Variants in OS9 observed in about 807,000 individuals in gnomAD.
OS9 encodes the protein OS9 endoplasmic reticulum lectin, also known as protein OS-9.
OS9 carries 58 observed loss-of-function variants against 84.7 expected under a neutral mutation model. That is an observed-to-expected ratio of 0.68 (90% CI 0.55 to 0.85). The LOEUF is 0.85. Ranked by LOEUF, OS9 falls within the 40% of genes least tolerant of loss-of-function variation. OS9 has a pLI of 0.00. For missense variants in OS9, 760 were observed against 850.9 expected (o/e 0.89, Z 1.33); for synonymous variants, 278 against 320.8 (o/e 0.87, Z 1.43).
Position 57,698,298 on chromosome 12 carries a change from G to A in OS9, c.579+1925G>A, listed in dbSNP as rs913340696. 1.5e-4 allele frequency among the ~76,000 whole-genome samples: 14 copies of A among 94,432 alleles called. No homozygotes were observed. The East Asian group carries it at 2.0e-3, about 14-fold the overall frequency. 62.0% of individuals were successfully genotyped at this position (94,432 alleles called of 152,430 possible). Reference sequence around the variant, plus strand: ...AAGCATCCACACACGTATATAATCCGTTATAGCACTTCATTGTATTCTAGT... The same window carrying A: ...AAGCATCCACACACGTATATAATCCATTATAGCACTTCATTGTATTCTAGT... On this transcript the variant is annotated intron_variant, in intron 5 of 14. Transcript: ENST00000315970.
intron 5 of OS9, among the ~76,000 whole-genome samples, chr12:57,706,391 T>C (rs1458511206): frequency 6.6e-6 from 1 of 152,184 alleles, no homozygotes; most frequent in East Asian, 1.9e-4. Flanking sequence ...CCTGATAGTA[T>C]AATTAACTTT....
intron 5 of OS9, among the ~76,000 whole-genome samples, chr12:57,698,297 C>T (rs573460641): frequency 9.1e-5 from 9 of 99,424 alleles, no homozygotes; most frequent in Non-Finnish European, 1.7e-4. Flanking sequence ...GTATATAATC[C>T]GTTATAGCAC....
rs374208955 is a variant in OS9, at chr12:57,695,960, A to G, written c.404-2A>G. 6.2e-7 allele frequency: 1 copy of G among 1,612,098 alleles called. No homozygotes were observed. The highest frequency in any genetic ancestry group is 8.5e-7 in the Non-Finnish European group (1 of 1,178,120). ...AGTGCTTCACTGTGGCTTCCCTTGCAGATTCAGAGATCAAAGGTGAAGTCC... is the reference window on the plus strand; with the variant it reads ...AGTGCTTCACTGTGGCTTCCCTTGCGGATTCAGAGATCAAAGGTGAAGTCC... On this transcript the variant is annotated splice_acceptor_variant, in intron 3 of 14. Transcript: ENST00000315970. LOFTEE classifies it high-confidence loss of function.
rs184601202 is a variant in OS9, at chr12:57,704,643, G to T, written c.579+8270G>T. Among the ~76,000 whole-genome samples the T allele has an allele frequency of 5.8e-3, 888 of 152,132 alleles. 3 individuals are homozygous for T. Among genetic ancestry groups the T allele is most frequent in the Middle Eastern group, 0.02 (6 of 294 alleles). On this transcript the variant is annotated intron_variant, in intron 5 of 14. Coordinates refer to ENST00000315970, the MANE Select transcript of OS9 (RefSeq NM_006812.4). ...CAGCCTCACAGAATAAGTTAGGAAA[G>T]CATTCTTTATAAATTTCAGATTTAA...
intron 2 of OS9, chr12:57,695,571 AC>A: frequency 1.4e-6 from 1 of 703,260 alleles, no homozygotes; most frequent in Non-Finnish European, 2.6e-6. Flanking sequence ...CAAGTGGAAA[AC>A]AGACTTTAGA....
chr12:57,697,068 C>T (rs1223616815), intron 5 of OS9, among the ~76,000 whole-genome samples: 2 of 152,182 alleles, frequency 1.3e-5, no homozygotes, highest in Admixed American at 1.3e-4. Flanking sequence ...TAAAGAATTA[C>T]ATGACACCTG....
chr12:57,707,929 GA>G lies in OS9; in HGVS notation c.580-7817del, dbSNP rs75903865. Reference sequence around the variant, plus strand: ...AACACAGTGAGACCCTGTCTCTATGGAAAAAAAAAAAAAATTAGCCAGGTGT... The same window carrying G: ...AACACAGTGAGACCCTGTCTCTATGGAAAAAAAAAAAAATTAGCCAGGTGT... On this transcript the variant is annotated intron_variant, in intron 5 of 14. Coordinates refer to ENST00000315970, the MANE Select transcript of OS9 (RefSeq NM_006812.4). 3.5e-3 allele frequency among the ~76,000 whole-genome samples: 493 copies of G among 141,628 alleles called. 1 individual carries two copies. The highest frequency in any genetic ancestry group is 0.017 in the South Asian group (75 of 4,508). 92.9% of individuals were successfully genotyped at this position (141,628 alleles called of 152,430 possible).
chr12:57,717,595 C>A (rs1954536878), intron 9 of OS9, among the ~76,000 whole-genome samples: 1 of 151,958 alleles, frequency 6.6e-6, no homozygotes, highest in South Asian at 2.1e-4. Flanking sequence ...GAGTTCAAGA[C>A]AAACCTGGCC....
intron 13 of OS9, 66 bp from the exon 14 acceptor site, chr12:57,720,340 G>T: frequency 6.2e-7 from 1 of 1,603,402 alleles, no homozygotes; most frequent in Middle Eastern, 1.7e-4. Flanking sequence ...GGGACCAGTG[G>T]GGCAGGGGGC....
chr12:57,694,376 GAT>G (rs1953759589), intron 1 of OS9, 53 bp downstream of exon 1: 1 of 1,584,706 alleles, frequency 6.3e-7, no homozygotes, highest in South Asian at 1.1e-5. Context: ...GCGGGTAAGA[GAT>G]AGAGGAAGAA....
intron 11 of OS9, 24 bp from the exon 12 acceptor site, chr12:57,718,967 TCA>T (rs1163057292): frequency 6.3e-7 from 1 of 1,586,234 alleles, no homozygotes; most frequent in Non-Finnish European, 8.6e-7. Flanking sequence ...GACCCTTGAC[TCA>T]CTCTCTTCTC....
chr12:57,720,892 G>C lies in OS9; in HGVS notation c.1987G>C (p.Asp663His), dbSNP rs564837580. The C allele has an allele frequency of 6.2e-7, 1 of 1,614,168 alleles. No individual in the cohort carries two copies. Among genetic ancestry groups the C allele is most frequent in the South Asian group, 1.1e-5 (1 of 91,076 alleles). ...SPGGEGTGDL[D>H]EFDF ...AGGTGGGGAGGGCACAGGGGACCTGGACGAATTTGACTTCTGAGACCAACA... is the reference window on the plus strand; with the variant it reads ...AGGTGGGGAGGGCACAGGGGACCTGCACGAATTTGACTTCTGAGACCAACA... The change falls in exon 15 of 15, where the codon GAC (aspartate) becomes CAC (histidine). Residue 663 changes from aspartate (D) to histidine (H), a missense_variant. By Grantham distance (81) the Asp-to-His change is moderately conservative. Transcript: ENST00000315970.
rs370307333 is a variant in OS9, at chr12:57,718,395, C to T, written c.1384C>T (p.Arg462Trp). 1.7e-5 allele frequency: 28 copies of T among 1,613,748 alleles called. No individual in the cohort carries two copies. The highest frequency in any genetic ancestry group is 1.7e-4 in the Middle Eastern group (1 of 6,026). Residue 462 changes from arginine to tryptophan, a missense_variant, in exon 11 of 15, where the codon CGG becomes TGG. Transcript: ENST00000315970. Reference sequence around the variant, plus strand: ...TTCGGAGGTGAAGGCTGGCATGGAGCGGGAACTGGAAAACATCATCCAGGA... The same window carrying T: ...TTCGGAGGTGAAGGCTGGCATGGAGTGGGAACTGGAAAACATCATCCAGGA... ...LRSEVKAGME[R>W]ELENIIQETE...
Position 57,695,760 on chromosome 12 carries a change from G to T in OS9, c.340-20G>T, listed in dbSNP as rs1953808259. The stretch of plus-strand genomic sequence containing the variant: ...ATGTCTGCACTCCATCCCCCTGATT[G>T]TTTATTTTTTAATTGTCAGACAAAG... On this transcript the variant is annotated intron_variant, in intron 2 of 14. Coordinates refer to ENST00000315970, the MANE Select transcript of OS9 (RefSeq NM_006812.4). 1 of 1,568,680 alleles carries T rather than the reference G, an allele frequency of 6.4e-7. No individual in the cohort carries two copies. Among genetic ancestry groups the T allele is most frequent in the Non-Finnish European group, 8.8e-7 (1 of 1,138,626 alleles).
chr12:57,718,566 G>T, intron 11 of OS9, 145 bp downstream of exon 11: 1 of 844,844 alleles, frequency 1.2e-6, no homozygotes, highest in Non-Finnish European at 1.8e-6. Context: ...TAATTAATCG[G>T]GGCTGTTGGG....
At chr12:57,697,927 A>AGAAG (rs1565767158) in intron 5 of OS9, among the ~76,000 whole-genome samples, 1 of 79,436 alleles carries the variant, frequency 1.3e-5, no homozygotes, top group Admixed American at 1.5e-4. Context: ...ACACACATAC[A>AGAAG]CACACACACA....
rs1203647908 is a variant in OS9, at chr12:57,720,495, AAGG to A, written c.1858_1860del (p.Glu620del). On this transcript the variant is annotated inframe_deletion, in exon 14 of 15. Transcript: ENST00000315970. ...GACTGATGAGGACACGAGAAACCTCAAGGAGATCTTCTTCAATATCTTGGTAAG... is the reference window on the plus strand; with the variant it reads ...GACTGATGAGGACACGAGAAACCTCAAGATCTTCTTCAATATCTTGGTAAG... The A allele has an allele frequency of 6.2e-6, 10 of 1,612,200 alleles. No individual in the cohort carries two copies. The highest frequency in any genetic ancestry group is 6.8e-6 in the Non-Finnish European group (8 of 1,178,274).
In OS9 at chr12:57,694,169, C is replaced by T. The variant is rs752983128; in HGVS notation, c.8C>T (p.Ala3Val). Reference protein sequence around the residue: MAAETLLSSLLGL... With the variant: MAVETLLSSLLGL... ...TAAGAAGGGGAACGAAAGATGGCGG[C>T]GGAAACGCTGCTGTCCAGTTTGTTA... Residue 3 changes from alanine (A) to valine (V), a missense_variant, in exon 1 of 15, where the codon GCG (alanine) becomes GTG (valine). Transcript: ENST00000315970. 7 of 1,613,920 alleles carry T rather than the reference C, an allele frequency of 4.3e-6. No homozygotes were observed. The highest frequency in any genetic ancestry group is 4.0e-5 in the African/African-American group (3 of 74,894).
intron 5 of OS9, among the ~76,000 whole-genome samples, chr12:57,710,635 T>G (rs929720373): frequency 1.3e-5 from 2 of 152,216 alleles, no homozygotes; most frequent in African/African-American, 4.8e-5. Flanking sequence ...ACCATCTATA[T>G]ATCTCTGACA....
Sources: gnomAD v4.1 joint callset for allele counts (sites outside exome capture counted in the v4.1 genomes callset) on GRCh38, gnomAD v4.1.1 for gene constraint, MANE v1.5 for transcripts, NCBI Gene and HGNC (gene_info 2026-07-23, HGNC 2026-07-21) for gene names.